TRPM6: variants seen among roughly 807,000 people sequenced by gnomAD.
TRPM6 encodes transient receptor potential cation channel subfamily M member 6.
In TRPM6, 111 loss-of-function variants were observed where a neutral mutation model predicts 247.6. The observed-to-expected ratio is 0.45, with a 90% CI of 0.38 to 0.52. TRPM6 has a LOEUF of 0.52. Among genes scored for constraint, TRPM6 ranks in the 20% least tolerant of loss-of-function variants. The pLI is 0.00. For missense variants in TRPM6, 2,126 were observed against 2,421.5 expected (o/e 0.88, Z 2.56); for synonymous variants, 892 against 853.8 (o/e 1.04, Z -0.78).
chr9:74,825,885 C>T (rs1276986786), intron 7 of TRPM6, among the ~76,000 whole-genome samples: 1 of 152,080 alleles, frequency 6.6e-6, no homozygotes, highest in African/African-American at 2.4e-5. Flanking sequence ...TCTCTGACCT[C>T]TCTTCCTTCC....
intron 18 of TRPM6, among the ~76,000 whole-genome samples, chr9:74,796,428 A>G (rs2118986894): frequency 6.6e-6 from 1 of 152,322 alleles, no homozygotes; most frequent in Non-Finnish European, 1.5e-5. Flanking sequence ...CTATGTCCAA[A>G]CCACGTCTTT....
At chr9:74,770,566 C>T (rs183101290) in intron 25 of TRPM6, among the ~76,000 whole-genome samples, 4 of 152,234 alleles carry the variant, frequency 2.6e-5, no homozygotes, top group Non-Finnish European at 5.9e-5. Flanking sequence ...CTGAATGTCC[C>T]CCATACCGCC....
At chr9:74,786,518 T>C (rs1827675056) in intron 20 of TRPM6, among the ~76,000 whole-genome samples, 1 of 151,864 alleles carries the variant, frequency 6.6e-6, no homozygotes, top group Admixed American at 6.6e-5. Flanking sequence ...GGCAGGTGGA[T>C]CACGGAGGTC....
chr9:74,833,668 T>C (rs554677919), intron 6 of TRPM6, among the ~76,000 whole-genome samples: 41 of 152,284 alleles, frequency 2.7e-4, no homozygotes, highest in African/African-American at 9.1e-4. Context: ...CAACAGATAA[T>C]GGTGGCTCGG....
chr9:74,791,546 C>G (rs1827896579), intron 19 of TRPM6, among the ~76,000 whole-genome samples: 1 of 151,942 alleles, frequency 6.6e-6, no homozygotes, highest in African/African-American at 2.4e-5. Flanking sequence ...ATGTGAAAAG[C>G]ACCAAACACA....
intron 1 of TRPM6, among the ~76,000 whole-genome samples, chr9:74,866,479 T>A (rs1252923714): frequency 3.3e-5 from 5 of 151,920 alleles, no homozygotes; most frequent in Non-Finnish European, 7.4e-5. Flanking sequence ...GGGTTTTTTG[T>A]TTTTTGTTTT....
chr9:74,834,399 A>G (rs1428178802), intron 5 of TRPM6, among the ~76,000 whole-genome samples: 1 of 152,044 alleles, frequency 6.6e-6, no homozygotes, highest in African/African-American at 2.4e-5. Flanking sequence ...ACTCTTGCCT[A>G]AGCAAAATGC....
chr9:74,850,052 T>C (rs1029786929), intron 3 of TRPM6, among the ~76,000 whole-genome samples: 4 of 152,210 alleles, frequency 2.6e-5, no homozygotes, highest in Admixed American at 1.3e-4. Context: ...GAAACAGAAG[T>C]GTCTACAACT....
At position 74,834,109 on chromosome 9, in the gene TRPM6, A is replaced by G. The variant is rs765843971; in HGVS notation, c.558T>C (p.His186=). The part of the protein sequence containing the change: ...TEGINTGVSK[H]VGDALKSHSS... Reference sequence around the variant, plus strand: ...AATGGGATTTCAAGGCATCCCCAACATGCTTGGACACTCCTATGAACAACC... The same window carrying G: ...AATGGGATTTCAAGGCATCCCCAACGTGCTTGGACACTCCTATGAACAACC... Residue 186 remains histidine (H), a synonymous_variant, in exon 6 of 39, where the codon CAT becomes CAC. Coordinates refer to ENST00000360774, the MANE Select transcript of TRPM6 (RefSeq NM_017662.5). 1 of 1,614,100 alleles carries G rather than the reference A, an allele frequency of 6.2e-7. No homozygotes were observed. Among genetic ancestry groups the G allele is most frequent in the South Asian group, 1.1e-5 (1 of 91,082 alleles).
At chr9:74,864,622 C>G (rs889666497) in intron 1 of TRPM6, among the ~76,000 whole-genome samples, 3 of 152,186 alleles carry the variant, frequency 2.0e-5, no homozygotes, top group African/African-American at 7.2e-5. Flanking sequence ...AAAAGGTGAG[C>G]ACTATTTAGC....
chr9:74,830,182 T>C (rs1053565105), intron 6 of TRPM6, among the ~76,000 whole-genome samples: 12 of 152,016 alleles, frequency 7.9e-5, no homozygotes, highest in Admixed American at 1.3e-4. Context: ...CTAAAATCCC[T>C]GCTTGAAAAT....
At chr9:74,859,575 C>G (rs375867512) in intron 1 of TRPM6, among the ~76,000 whole-genome samples, 15 of 152,216 alleles carry the variant, frequency 9.9e-5, no homozygotes, top group South Asian at 6.2e-4. Context: ...GAGTTCGAGA[C>G]CAGCCTGGCC....
intron 11 of TRPM6, among the ~76,000 whole-genome samples, chr9:74,813,515 G>A (rs1828810110): frequency 1.3e-5 from 2 of 152,186 alleles, no homozygotes; most frequent in Admixed American, 1.3e-4. Flanking sequence ...GGAACTAGAG[G>A]ATTCTTTTCT....
chr9:74,810,693 G>A lies in TRPM6; in HGVS notation c.1497+122C>T, dbSNP rs1342113140. 1.5e-5 allele frequency: 13 copies of A among 839,686 alleles called. No homozygotes were observed. In the East Asian group the frequency reaches 3.2e-4, roughly 21 times the overall value. The allele number at this position is 839,686 out of a possible 1,614,324, so 52.0% of individuals were successfully genotyped here. A position where few individuals can be genotyped will look rare whatever the true frequency, so the allele number is the denominator to read the frequency against. ...ATGAACTTGTTCAAATCAAGGTAAAGAAGATAGGTAATTAACAAAACAATC... is the reference window on the plus strand; with the variant it reads ...ATGAACTTGTTCAAATCAAGGTAAAAAAGATAGGTAATTAACAAAACAATC... On this transcript the variant is annotated intron_variant, in intron 13 of 38. Coordinates refer to ENST00000360774, the MANE Select transcript of TRPM6 (RefSeq NM_017662.5).
chr9:74,800,313 T>C lies in TRPM6; in HGVS notation c.2179A>G (p.Met727Val), dbSNP rs1279344244. Residue 727 changes from methionine (M) to valine (V), a missense_variant, in exon 17 of 39, where the codon ATG becomes GTG. Around this residue, in one of 3 missense-constraint regions of TRPM6, gnomAD observed 1,082 missense variants for 1,307.9 expected, o/e 0.83. Coordinates refer to ENST00000360774, the MANE Select transcript of TRPM6 (RefSeq NM_017662.5). ...CCCATCCACATGTCTGTCAGTAGCA[T>C]CTGGGTACAAGTATGTGAAACAAAG... is the stretch of plus-strand genomic sequence containing the variant. The part of the protein sequence containing the change: ...RPFVSHTCTQ[M>V]LLTDMWMGRL... 1 of 1,614,174 alleles carries C rather than the reference T, an allele frequency of 6.2e-7. No individual in the cohort carries two copies.
At chr9:74,757,122 G>T (rs1335066509) in intron 27 of TRPM6, among the ~76,000 whole-genome samples, 1 of 148,390 alleles carries the variant, frequency 6.7e-6, no homozygotes, top group East Asian at 2.1e-4. Flanking sequence ...AGGATGCAGT[G>T]AGCCAACATG....
At chr9:74,750,594 C>G in intron 30 of TRPM6, 70 bp downstream of exon 30, 1 of 1,344,070 alleles carries the variant, frequency 7.4e-7, no homozygotes, top group Non-Finnish European at 1.1e-6. Flanking sequence ...TAAATTAAAC[C>G]TTTGCTCCTA....
chr9:74,758,946 C>T (rs995977643), intron 27 of TRPM6, among the ~76,000 whole-genome samples: 1 of 151,882 alleles, frequency 6.6e-6, no homozygotes, highest in Non-Finnish European at 1.5e-5. Flanking sequence ...AATATAGGAC[C>T]AGTATTAAAA....
Position 74,812,412 on chromosome 9 carries a change from T to C in TRPM6, c.1330A>G (p.Met444Val), listed in dbSNP as rs2117907579. The part of the protein sequence containing the change: ...HWKPDALEQA[M>V]SDALVMDRVD... ...CGATCCATCACTAAAGCATCTGACA[T>C]TGCTTGTTCCAGGGCATCAGGCTTC... is the stretch of plus-strand genomic sequence containing the variant. The change falls in exon 12 of 39, where the codon ATG (methionine) becomes GTG (valine). Residue 444 changes from methionine (M) to valine (V), a missense_variant. By Grantham distance (21) the Met-to-Val change is conservative. Coordinates refer to ENST00000360774, the MANE Select transcript of TRPM6 (RefSeq NM_017662.5). 1 of 1,614,028 alleles carries C rather than the reference T, an allele frequency of 6.2e-7. No individual in the cohort carries two copies. Among genetic ancestry groups the C allele is most frequent in the Middle Eastern group, 1.7e-4 (1 of 6,060 alleles).
Sources: gnomAD v4.1 joint callset for allele counts (sites outside exome capture counted in the v4.1 genomes callset) on GRCh38, gnomAD v4.1.1 for gene constraint, gnomAD v4.1.1 regional missense constraint, MANE v1.5 for transcripts, NCBI Gene and HGNC (gene_info 2026-07-23, HGNC 2026-07-21) for gene names.